The following DOCK10 variants were observed in gnomAD, a reference collection of about 807,000 sequenced individuals.
DOCK10 encodes dedicator of cytokinesis 10, also known as dedicator of cytokinesis protein 10.
In DOCK10, 145 loss-of-function variants were observed where a neutral mutation model predicts 280.1. The observed-to-expected ratio is 0.52, with a 90% CI of 0.45 to 0.59. The LOEUF is 0.59. Ranked by LOEUF, DOCK10 falls within the 20% of genes least tolerant of loss-of-function variation. The probability of loss-of-function intolerance (pLI) is 0.00; values close to 1 mark genes in which losing one functional copy is unlikely to be tolerated. For synonymous variants in DOCK10, 915 were observed against 942.2 expected (o/e 0.97, Z 0.53); for missense variants, 2,368 against 2,651.7 (o/e 0.89, Z 2.35).
Position 224,957,292 on chromosome 2 carries a change from C to CGCCCCT in DOCK10, c.124-25625_124-25624insAGGGGC, listed in dbSNP as rs71823141. Among the ~76,000 whole-genome samples the CGCCCCT allele has an allele frequency of 4.4e-4, 66 of 148,566 alleles. 3 individuals carry two copies. The highest frequency in any genetic ancestry group is 1.5e-3 in the African/African-American group (61 of 40,116). On this transcript the variant is annotated intron_variant, in intron 1 of 55. Coordinates refer to ENST00000258390, the MANE Select transcript of DOCK10 (RefSeq NM_014689.3). ...ATTTAGTTTTTACTTTCCGCCCCCC[C>CGCCCCT]CCGGCTTTGTTTTTCGGAGATGGGG...
intron 51 of DOCK10, 96 bp from the exon 52 acceptor site, chr2:224,775,211 T>C (rs1031203145): frequency 3.6e-6 from 4 of 1,118,818 alleles, no homozygotes; most frequent in Non-Finnish European, 4.0e-6. Flanking sequence ...CAGAGGAGGC[T>C]GTGCCTCTCC....
chr2:224,826,124 T>G (rs1229023808), intron 27 of DOCK10, among the ~76,000 whole-genome samples: 3 of 152,174 alleles, frequency 2.0e-5, no homozygotes, highest in Admixed American at 6.5e-5. Flanking sequence ...AGTGCAGTGG[T>G]GCAATCTCAG....
intron 13 of DOCK10, among the ~76,000 whole-genome samples, chr2:224,863,420 C>T (rs1361719203): frequency 6.6e-6 from 1 of 152,044 alleles, no homozygotes; most frequent in Non-Finnish European, 1.5e-5. Context: ...ATTTCTTTGG[C>T]ATGGAAAATA....
chr2:224,923,480 TAA>T (rs894837578), intron 2 of DOCK10, among the ~76,000 whole-genome samples: 30 of 152,198 alleles, frequency 2.0e-4, no homozygotes, highest in Non-Finnish European at 4.3e-4. Flanking sequence ...TCCAACAATA[TAA>T]AGACACCTAC....
intron 26 of DOCK10, among the ~76,000 whole-genome samples, chr2:224,833,316 C>CT (rs997991338): frequency 3.8e-4 from 57 of 149,672 alleles, no homozygotes; most frequent in Non-Finnish European, 7.0e-4. Context: ...CATCGTCCAT[C>CT]TTTTTTTTTT....
intron 55 of DOCK10, 77 bp from the exon 56 acceptor site, chr2:224,765,914 G>T: frequency 9.3e-7 from 1 of 1,080,100 alleles, no homozygotes; most frequent in Admixed American, 2.4e-5. Context: ...TTAAAACCCA[G>T]AATAGAGGTT....
At chr2:224,946,474 C>T (rs1358305917) in intron 1 of DOCK10, among the ~76,000 whole-genome samples, 1 of 151,944 alleles carries the variant, frequency 6.6e-6, no homozygotes, top group Non-Finnish European at 1.5e-5. Flanking sequence ...AAAATACAAC[C>T]ATATACATGT....
intron 1 of DOCK10, among the ~76,000 whole-genome samples, chr2:225,010,801 A>G (rs1689412225): frequency 6.6e-6 from 1 of 150,954 alleles, no homozygotes; most frequent in Non-Finnish European, 1.5e-5. Flanking sequence ...GAGAAACAAG[A>G]TAAATCCTGC....
At chr2:224,890,633 C>T (rs1437046449) in intron 4 of DOCK10, among the ~76,000 whole-genome samples, 3 of 152,168 alleles carry the variant, frequency 2.0e-5, no homozygotes, top group South Asian at 2.1e-4. Flanking sequence ...CTGATACGTG[C>T]AACAACGTGG....
chr2:224,994,998 G>C (rs1706231291), intron 1 of DOCK10, among the ~76,000 whole-genome samples: 1 of 152,180 alleles, frequency 6.6e-6, no homozygotes, highest in African/African-American at 2.4e-5. Context: ...GTCATCTGAA[G>C]GCTGCAGGTG....
At chr2:224,908,415 T>TTG (rs57986119) in intron 3 of DOCK10, among the ~76,000 whole-genome samples, 10,635 of 141,014 alleles carry the variant, frequency 0.075, 811 homozygotes, top group East Asian at 0.25. Flanking sequence ...TCATCATCGT[T>TTG]TGTGTGTGTG....
intron 1 of DOCK10, among the ~76,000 whole-genome samples, chr2:225,034,404 G>A (rs367889169): frequency 6.6e-6 from 1 of 152,190 alleles, no homozygotes; most frequent in East Asian, 1.9e-4. Context: ...GATTGCACAA[G>A]TATAGTACTT....
intron 1 of DOCK10, among the ~76,000 whole-genome samples, chr2:224,967,940 G>C (rs570942048): frequency 6.6e-6 from 1 of 152,012 alleles, no homozygotes; most frequent in Non-Finnish European, 1.5e-5. Flanking sequence ...AAATGGAGAG[G>C]CTTTACTCTG....
chr2:225,031,311 A>C (rs1163967545), intron 1 of DOCK10, among the ~76,000 whole-genome samples: 1 of 152,240 alleles, frequency 6.6e-6, no homozygotes, highest in Non-Finnish European at 1.5e-5. Context: ...TTCCCAAGAT[A>C]CATCTGTTCA....
intron 1 of DOCK10, among the ~76,000 whole-genome samples, chr2:225,019,228 C>T (rs756629490): frequency 2.0e-5 from 3 of 152,082 alleles, no homozygotes; most frequent in Admixed American, 1.3e-4. Context: ...TCAGGACCCC[C>T]GCTATCCTGT....
intron 1 of DOCK10, among the ~76,000 whole-genome samples, chr2:224,996,648 C>A (rs1042865787): frequency 2.6e-5 from 4 of 152,172 alleles, no homozygotes; most frequent in Non-Finnish European, 5.9e-5. Context: ...ATAAGAAAAT[C>A]CATGTGAAAT....
At chr2:225,034,468 C>A (rs1234553496) in intron 1 of DOCK10, among the ~76,000 whole-genome samples, 1 of 152,186 alleles carries the variant, frequency 6.6e-6, no homozygotes, top group African/African-American at 2.4e-5. Context: ...CCAATGCTTG[C>A]CAAGATTTAC....
At chr2:224,957,157 G>T (rs898899281) in intron 1 of DOCK10, among the ~76,000 whole-genome samples, 4 of 152,036 alleles carry the variant, frequency 2.6e-5, no homozygotes, top group Non-Finnish European at 5.9e-5. Context: ...CAAACTCCCC[G>T]CCCTCTGCTG....
chr2:224,870,752 C>A (rs1225839123), intron 11 of DOCK10, among the ~76,000 whole-genome samples: 4 of 151,756 alleles, frequency 2.6e-5, no homozygotes, highest in African/African-American at 9.7e-5. Flanking sequence ...GCCCCTCTCC[C>A]CCCAACCAAC....
Sources: allele counts gnomAD v4.1 joint callset (sites outside exome capture counted in the v4.1 genomes callset), GRCh38; gene constraint gnomAD v4.1.1; transcripts MANE v1.5; gene names NCBI Gene and HGNC (gene_info 2026-07-23, HGNC 2026-07-21).